DNMT3A: variants seen among roughly 807,000 people sequenced by gnomAD.
DNMT3A encodes the protein DNA methyltransferase 3 alpha, also known as DNA (cytosine-5)-methyltransferase 3A.
DNMT3A carries 267 observed loss-of-function variants against 117.6 expected under a neutral mutation model. The ratio of observed to expected loss-of-function variants is 2.27; its 90% CI spans 2.05 to 2.51. DNMT3A has a LOEUF of 2.51. Among genes scored for constraint, DNMT3A ranks in the 30% most tolerant of loss-of-function variants. The pLI is 0.00. For synonymous variants in DNMT3A, 432 were observed against 474.8 expected, an observed-to-expected ratio of 0.91 and a Z score of 1.17; for missense variants, 1,029 against 1,260.2, an observed-to-expected ratio of 0.82 and a Z score of 2.78.
At chr2:25,279,526 C>T (rs78558145) in intron 4 of DNMT3A, among the ~76,000 whole-genome samples, 3,124 of 152,208 alleles carry the variant, frequency 0.021, 85 homozygotes, top group African/African-American at 0.07. Flanking sequence ...ATTGGCAGAG[C>T]CTAGGCCACT....
intron 3 of DNMT3A, among the ~76,000 whole-genome samples, chr2:25,291,705 G>T (rs2032778694): frequency 6.6e-6 from 1 of 152,232 alleles, no homozygotes; most frequent in Non-Finnish European, 1.5e-5. Context: ...CTTCTCCCCA[G>T]AGATCTCTCC....
In DNMT3A at chr2:25,233,942, CA is replaced by C; in HGVS notation, c.*336del. ...TTCTTGTTTCAGTCACAGCAAGAAA[CA>C]AAACCCAAACAAACAGAAAACCCCT... On this transcript the variant is annotated 3_prime_UTR_variant, in exon 23 of 23. Coordinates refer to ENST00000321117, the MANE Select transcript of DNMT3A (RefSeq NM_022552.5). 4.1e-6 allele frequency: 1 copy of C among 245,378 alleles called. No individual in the cohort carries two copies. Among genetic ancestry groups the C allele is most frequent in the East Asian group, 6.0e-5 (1 of 16,748 alleles). 15.2% of individuals were successfully genotyped at this position (245,378 alleles called of 1,614,324 possible). A position where few individuals can be genotyped will look rare whatever the true frequency, so the allele number is the denominator to read the frequency against.
chr2:25,292,924 C>A (rs921129125), intron 3 of DNMT3A, among the ~76,000 whole-genome samples: 4 of 151,838 alleles, frequency 2.6e-5, no homozygotes, highest in African/African-American at 9.7e-5. Flanking sequence ...GGAAGGCCAC[C>A]AAGGCCAGGA....
At chr2:25,238,168 C>T (rs1368791892) in intron 20 of DNMT3A, among the ~76,000 whole-genome samples, 1 of 152,042 alleles carries the variant, frequency 6.6e-6, no homozygotes, top group Non-Finnish European at 1.5e-5. Flanking sequence ...TACTGGACCT[C>T]ATTAGCCCAT....
rs1674615731 is a variant in DNMT3A, at chr2:25,245,299, G to GT, written c.1507dup (p.Thr503AsnfsTer43). 2.5e-6 allele frequency: 4 copies of GT among 1,613,968 alleles called. No individual in the cohort carries two copies. The highest frequency in any genetic ancestry group is 3.4e-6 in the Non-Finnish European group (4 of 1,179,980). On this transcript the variant is annotated frameshift_variant, in exon 13 of 23. Transcript: ENST00000321117. LOFTEE classifies it high-confidence loss of function. ...TCCAACGAAGAGGGGGTGTTCCAGG[G>GT]TAACATTGAGGCTCCCACAGGAGAT...
In DNMT3A at chr2:25,282,334, C is replaced by G. The variant is rs1251276485; in HGVS notation, c.448+107G>C. On this transcript the variant is annotated intron_variant, in intron 4 of 22. Coordinates refer to ENST00000321117, the MANE Select transcript of DNMT3A (RefSeq NM_022552.5). This position sits in a 1 kb window ranked among gnomAD's most constrained non-coding sequence, Gnocchi z 5.2. ...ATAGCCTTGGCAAGCAGACCTTTAG[C>G]CACGACCCAGACCATCCTTCCTGGG... 2.5e-5 allele frequency: 38 copies of G among 1,514,030 alleles called. No homozygotes were observed. Among genetic ancestry groups the G allele is most frequent in the Non-Finnish European group, 3.4e-5 (38 of 1,124,692 alleles). The allele number at this position is 1,514,030 out of a possible 1,614,324, so 93.8% of individuals were successfully genotyped here.
At chr2:25,283,360 C>CAAAAA (rs56884375) in intron 3 of DNMT3A, among the ~76,000 whole-genome samples, 34 of 66,334 alleles carry the variant, frequency 5.1e-4, no homozygotes, top group African/African-American at 1.8e-3. Context: ...GACTCCGCCT[C>CAAAAA]AAAAAAAAAA....
At chr2:25,279,853 A>AT (rs944472957) in intron 4 of DNMT3A, among the ~76,000 whole-genome samples, 17 of 151,138 alleles carry the variant, frequency 1.1e-4, no homozygotes, top group Non-Finnish European at 1.8e-4. Context: ...AGCTCGACTA[A>AT]TTTTTTTTTG....
rs1217338234 is a variant in DNMT3A at position 25,272,803 on chromosome 2, C to CT, written c.639+2137dup. ...ACCCCCACCCTGTTCTGCACTTTCT[C>CT]TTTTTTTTTTTTTTTTGAGACGGAA... On this transcript the variant is annotated intron_variant, in intron 6 of 22. Coordinates refer to ENST00000321117, the MANE Select transcript of DNMT3A (RefSeq NM_022552.5). 3.4e-3 allele frequency among the ~76,000 whole-genome samples: 447 copies of CT among 130,676 alleles called. 2 individuals are homozygous for CT. The highest frequency in any genetic ancestry group is 4.8e-3 in the South Asian group (20 of 4,154). 85.7% of individuals were successfully genotyped at this position (130,676 alleles called of 152,430 possible). A position where few individuals can be genotyped will look rare whatever the true frequency, so the allele number is the denominator to read the frequency against.
chr2:25,260,253 G>T (rs1450540846), intron 6 of DNMT3A, among the ~76,000 whole-genome samples: 1 of 152,198 alleles, frequency 6.6e-6, no homozygotes, highest in Non-Finnish European at 1.5e-5. Flanking sequence ...ATCATCTGAG[G>T]CTTGGTGGTT....
At chr2:25,301,457 A>G (rs1197809600) in intron 2 of DNMT3A, among the ~76,000 whole-genome samples, 2 of 152,046 alleles carry the variant, frequency 1.3e-5, no homozygotes, top group East Asian at 3.9e-4. Flanking sequence ...ACCGAATCTC[A>G]GCTCCTCTCC....
At chr2:25,329,673 CCACACACACACACACACACA>C (rs55905204) in intron 1 of DNMT3A, among the ~76,000 whole-genome samples, 2 of 138,394 alleles carry the variant, frequency 1.4e-5, no homozygotes, top group African/African-American at 3.1e-5. Flanking sequence ...CATGCAGACC[CCACACACACACACACACACA>C]CACACACACA....
At position 25,245,292 on chromosome 2, in the gene DNMT3A, T is replaced by C. The variant is rs1407547274; in HGVS notation, c.1515A>G (p.Glu505=). 4 of 1,613,818 alleles carry C rather than the reference T, an allele frequency of 2.5e-6. No individual in the cohort carries two copies. Among genetic ancestry groups the C allele is most frequent in the Non-Finnish European group, 3.4e-6 (4 of 1,179,944 alleles). The change falls in exon 13 of 23, where the codon GAA becomes GAG. Residue 505 remains glutamate (E), a synonymous_variant. Coordinates refer to ENST00000321117, the MANE Select transcript of DNMT3A (RefSeq NM_022552.5). ...ACATTCCTCCAACGAAGAGGGGGTGTTCCAGGGTAACATTGAGGCTCCCAC... is the reference window on the plus strand; with the variant it reads ...ACATTCCTCCAACGAAGAGGGGGTGCTCCAGGGTAACATTGAGGCTCCCAC... ...ISCGSLNVTL[E]HPLFVGGMCQ...
chr2:25,335,137 C>CT (rs879282250), intron 1 of DNMT3A, among the ~76,000 whole-genome samples: 24 of 148,320 alleles, frequency 1.6e-4, no homozygotes, highest in African/African-American at 3.2e-4. Context: ...ACACTATGAA[C>CT]TTTTTTTTTT....
rs771922296 is a variant in DNMT3A at position 25,234,323 on chromosome 2, G to A, written c.2695C>T (p.Arg899Cys). 16 of 1,613,938 alleles carry A rather than the reference G, an allele frequency of 9.9e-6. No individual in the cohort carries two copies. The highest frequency in any genetic ancestry group is 1.3e-5 in the African/African-American group (1 of 75,018). Residue 899 changes from arginine (R) to cysteine (C), a missense_variant, in exon 23 of 23, where the codon CGC (arginine) becomes TGC (cysteine). Physicochemically the swap from Arg to Cys is radical, Grantham distance 180. Transcript: ENST00000321117. The surrounding 1 kb of genome is among the most constrained non-coding windows in gnomAD (Gnocchi z 4.5). ...TCCTTCAGCGGAGCGAAGAGGTGGC[G>A]GATGACTGGCACGCTCCATGACCGG... ...LGRSWSVPVI[R>C]HLFAPLKEYF...
intron 6 of DNMT3A, among the ~76,000 whole-genome samples, chr2:25,274,265 A>T (rs551723154): frequency 6.6e-6 from 1 of 152,228 alleles, no homozygotes; most frequent in Non-Finnish European, 1.5e-5. Flanking sequence ...CTAGCTCCAA[A>T]ATACACCCCA....
At position 25,327,865 on chromosome 2, in the gene DNMT3A, A is replaced by T. The variant is rs919755709; in HGVS notation, c.-177-13704T>A. ...CTCCCTTCAGCTGCCTAAGTCCCAA[A>T]CCCTGGAGAAAACTCAGGTCCCACC... On this transcript the variant is annotated intron_variant, in intron 1 of 22. Transcript: ENST00000321117. The surrounding 1 kb of genome is among the most constrained non-coding windows in gnomAD (Gnocchi z 4.1). 6.6e-6 allele frequency among the ~76,000 whole-genome samples: 1 copy of T among 151,956 alleles called. No homozygotes were observed. The highest frequency in any genetic ancestry group is 2.4e-5 in the African/African-American group (1 of 41,352).
At chr2:25,256,275 C>T (rs1332028098) in intron 6 of DNMT3A, among the ~76,000 whole-genome samples, 1 of 152,132 alleles carries the variant, frequency 6.6e-6, no homozygotes, top group African/African-American at 2.4e-5. Flanking sequence ...ATTCTAGGCC[C>T]CCACGAATCT....
chr2:25,246,416 C>T lies in DNMT3A; in HGVS notation c.1280-107G>A, dbSNP rs538421975. On this transcript the variant is annotated intron_variant, in intron 10 of 22. Transcript: ENST00000321117. ...GGTGCGGCCTGGTCTCCAACTTGTT[C>T]CCACCTCCCAACTCTACGGTTCTAG... 1.6e-3 allele frequency: 2,376 copies of T among 1,467,272 alleles called. 5 individuals are homozygous for T. The highest frequency in any genetic ancestry group is 2.7e-3 in the South Asian group (202 of 74,284). 90.9% of individuals were successfully genotyped at this position (1,467,272 alleles called of 1,614,324 possible).
Sources: gnomAD v4.1 joint callset for allele counts (sites outside exome capture counted in the v4.1 genomes callset) on GRCh38, gnomAD v4.1.1 for gene constraint, Gnocchi (gnomAD v3.1) non-coding constraint, MANE v1.5 for transcripts, NCBI Gene and HGNC (gene_info 2026-07-23, HGNC 2026-07-21) for gene names.